The following UBASH3A variants were observed in gnomAD, a reference collection of about 807,000 sequenced individuals.
UBASH3A encodes ubiquitin-associated and SH3 domain-containing protein A.
UBASH3A carries 63 observed loss-of-function variants against 73.5 expected under a neutral mutation model. The observed-to-expected ratio is 0.86, with a 90% CI of 0.70 to 1.06. UBASH3A has a LOEUF of 1.06. Among genes scored for constraint, UBASH3A ranks in the 50% least tolerant of loss-of-function variants. UBASH3A has a pLI of 0.00. For synonymous variants in UBASH3A, 363 were observed against 351.1 expected (o/e 1.03, Z -0.38); for missense variants, 860 against 859.0 (o/e 1.00, Z -0.02).
intron 3 of UBASH3A, among the ~76,000 whole-genome samples, chr21:42,411,630 G>T (rs921221928): frequency 6.6e-6 from 1 of 152,036 alleles, no homozygotes; most frequent in Non-Finnish European, 1.5e-5. Context: ...TCCCTCTGTC[G>T]TTAGCTCCTC....
At chr21:42,424,805 T>G (rs1208223705) in intron 7 of UBASH3A, among the ~76,000 whole-genome samples, 1 of 152,186 alleles carries the variant, frequency 6.6e-6, no homozygotes, top group African/African-American at 2.4e-5. Context: ...ACAGGGTCTT[T>G]AAAGAGGTGA....
intron 2 of UBASH3A, among the ~76,000 whole-genome samples, chr21:42,408,611 CT>C: frequency 6.6e-6 from 1 of 152,244 alleles, no homozygotes; most frequent in South Asian, 2.1e-4. Context: ...AACTTTTATC[CT>C]TTTTATTGAA....
chr21:42,424,383 G>A (rs755691148), intron 7 of UBASH3A, among the ~76,000 whole-genome samples: 10 of 152,212 alleles, frequency 6.6e-5, no homozygotes, highest in African/African-American at 2.2e-4. Flanking sequence ...CGTGCCAGAC[G>A]GTGCAGGGAT....
At chr21:42,445,150 C>T (rs539822514) in intron 14 of UBASH3A, among the ~76,000 whole-genome samples, 17 of 152,210 alleles carry the variant, frequency 1.1e-4, no homozygotes, top group South Asian at 4.1e-4. Flanking sequence ...CAGAGGATAA[C>T]GCACACGTGA....
chr21:42,412,065 A>G (rs973532615), intron 3 of UBASH3A, among the ~76,000 whole-genome samples: 4 of 151,958 alleles, frequency 2.6e-5, no homozygotes, highest in Non-Finnish European at 5.9e-5. Flanking sequence ...GATCAGGCCA[A>G]CTCCCGCCAG....
intron 7 of UBASH3A, 89 bp downstream of exon 7, chr21:42,418,698 A>G: frequency 8.1e-7 from 1 of 1,240,702 alleles, no homozygotes; most frequent in Non-Finnish European, 1.1e-6. Flanking sequence ...CTTCTAGACC[A>G]TTCCATTATT....
intron 7 of UBASH3A, 65 bp downstream of exon 7, chr21:42,418,674 C>G (rs2053273379): frequency 1.4e-6 from 2 of 1,457,438 alleles, no homozygotes; most frequent in Non-Finnish European, 1.9e-6. Flanking sequence ...GAGTGCCCAC[C>G]TGCCAACAGT....
intron 3 of UBASH3A, among the ~76,000 whole-genome samples, chr21:42,412,304 C>A (rs1054283985): frequency 6.6e-6 from 1 of 152,138 alleles, no homozygotes; most frequent in South Asian, 2.1e-4. Flanking sequence ...TGACAGAGAG[C>A]CTGCGGCCTC....
chr21:42,416,987 C>T (rs1191027490), intron 6 of UBASH3A, among the ~76,000 whole-genome samples: 2 of 152,080 alleles, frequency 1.3e-5, no homozygotes, highest in East Asian at 1.9e-4. Flanking sequence ...CCCCCTGGAG[C>T]CCTCCAAGGG....
Position 42,437,628 on chromosome 21 carries a change from C to T in UBASH3A, c.1486+48C>T, listed in dbSNP as rs751571280. On this transcript the variant is annotated intron_variant, in intron 11 of 14. Coordinates refer to ENST00000319294, the MANE Select transcript of UBASH3A (RefSeq NM_018961.4). ...CTCTCCTACTGCCTTGACCTTGGGGCTATTCTCCAAGGGGAGTGGGAAGGG... is the reference window on the plus strand; with the variant it reads ...CTCTCCTACTGCCTTGACCTTGGGGTTATTCTCCAAGGGGAGTGGGAAGGG... 21 of 1,523,400 alleles carry T rather than the reference C, an allele frequency of 1.4e-5. 1 individual carries two copies. The South Asian group carries it at 2.2e-4, about 16-fold the overall frequency. 94.4% of individuals were successfully genotyped at this position (1,523,400 alleles called of 1,614,324 possible).
At chr21:42,407,642 A>C (rs1046891987) in intron 2 of UBASH3A, among the ~76,000 whole-genome samples, 2 of 152,168 alleles carry the variant, frequency 1.3e-5, no homozygotes, top group African/African-American at 4.8e-5. Flanking sequence ...AGTGTTGATG[A>C]GGGTGAGGGA....
In UBASH3A at chr21:42,413,386, G is replaced by C; in HGVS notation, c.554-24G>C. On this transcript the variant is annotated intron_variant, in intron 4 of 14. Transcript: ENST00000319294. This position sits in a 1 kb window ranked among gnomAD's most constrained non-coding sequence, Gnocchi z 4.5. ...CTGGGTGGGCTTTCTTCCGGGCTCA[G>C]TGGCTGCACCTGTCCTCACCCAGGC... The C allele has an allele frequency of 6.3e-7, 1 of 1,597,802 alleles. No individual in the cohort carries two copies.
chr21:42,421,575 C>T (rs1432067053), intron 7 of UBASH3A, among the ~76,000 whole-genome samples: 1 of 152,218 alleles, frequency 6.6e-6, no homozygotes, highest in Non-Finnish European at 1.5e-5. Context: ...ATTTTCAGAT[C>T]TGTGCTGGAC....
chr21:42,418,535 G>A lies in UBASH3A; in HGVS notation c.972G>A (p.Arg324=). ...GCTGGGTGATTGGGATCTCACAGCG[G>A]ACGGGCTGCCGGGGCTTCCTGCCGG... ...SEGWVIGISQ[R]TGCRGFLPEN... Residue 324 remains arginine (R), a synonymous_variant, in exon 7 of 15, where the codon CGG becomes CGA. Transcript: ENST00000319294. The A allele has an allele frequency of 6.2e-7, 1 of 1,614,176 alleles. No homozygotes were observed. The highest frequency in any genetic ancestry group is 1.1e-5 in the South Asian group (1 of 91,080).
At chr21:42,441,997 G>A (rs1601604647) in intron 11 of UBASH3A, among the ~76,000 whole-genome samples, 2 of 152,150 alleles carry the variant, frequency 1.3e-5, no homozygotes, top group South Asian at 4.2e-4. Flanking sequence ...TTCACCTCTT[G>A]CCCCGTCTGT....
chr21:42,409,314 T>G, intron 2 of UBASH3A, 108 bp from the exon 3 acceptor site: 1 of 1,121,228 alleles, frequency 8.9e-7, no homozygotes, highest in Non-Finnish European at 1.3e-6. Flanking sequence ...GTCTTCAGTG[T>G]GCCCTATAAT....
chr21:42,413,186 G>C lies in UBASH3A; in HGVS notation c.517G>C (p.Ala173Pro), dbSNP rs151066227. The C allele has an allele frequency of 1.9e-6, 3 of 1,614,192 alleles. No homozygotes were observed. The highest frequency in any genetic ancestry group is 1.7e-5 in the Admixed American group (1 of 60,022). ...CCCCGCAGACGTCATCCGGGAATTC[G>C]CCATGACCTTCGCCACGGAAGCATC... ...GSPADVIREF[A>P]MTFATEASLL... is the part of the protein sequence containing the mutation. Residue 173 changes from alanine (A) to proline (P), a missense_variant, in exon 4 of 15, where the codon GCC becomes CCC. Coordinates refer to ENST00000319294, the MANE Select transcript of UBASH3A (RefSeq NM_018961.4). The surrounding 1 kb of genome is among the most constrained non-coding windows in gnomAD (Gnocchi z 4.5).
intron 8 of UBASH3A, among the ~76,000 whole-genome samples, chr21:42,428,893 A>G (rs73227507): frequency 0.013 from 2,014 of 152,288 alleles, 19 homozygotes; most frequent in Non-Finnish European, 0.021. Flanking sequence ...CAGGTCTGGT[A>G]GAATCATGGC....
At chr21:42,442,202 CTCTGG>C (rs1413916807) in intron 11 of UBASH3A, among the ~76,000 whole-genome samples, 11 of 152,346 alleles carry the variant, frequency 7.2e-5, no homozygotes, top group Non-Finnish European at 1.6e-4. Context: ...TCCTGGAAGA[CTCTGG>C]CCCTTCCTGG....
Sources: allele counts gnomAD v4.1 joint callset (sites outside exome capture counted in the v4.1 genomes callset), GRCh38; gene constraint gnomAD v4.1.1; non-coding constraint Gnocchi (gnomAD v3.1); transcripts MANE v1.5; gene names NCBI Gene and HGNC (gene_info 2026-07-23, HGNC 2026-07-21).